Variants in NIPBL observed in about 807,000 individuals in gnomAD.
The protein encoded by NIPBL is NIPBL cohesin loading factor.
A neutral mutation model predicts 321.8 loss-of-function variants in NIPBL; 19 were observed. The ratio of observed to expected loss-of-function variants is 0.06; its 90% CI spans 0.04 to 0.09. The LOEUF (loss-of-function observed/expected upper bound fraction) is 0.09. Ranked by LOEUF, NIPBL falls within the 10% of genes least tolerant of loss-of-function variation. The pLI, the probability that NIPBL is intolerant of heterozygous loss-of-function variation, is 1.00. For missense variants in NIPBL, 2,210 were observed against 3,327.0 expected, an observed-to-expected ratio of 0.66 and a Z score of 8.26; for synonymous variants, 1,106 against 1,114.1, an observed-to-expected ratio of 0.99 and a Z score of 0.14.
At chr5:36,939,514 C>A (rs966230086) in intron 1 of NIPBL, among the ~76,000 whole-genome samples, 1 of 152,142 alleles carries the variant, frequency 6.6e-6, no homozygotes, top group African/African-American at 2.4e-5. Context: ...TGTAGTATGG[C>A]TCTACCATCG....
intron 1 of NIPBL, among the ~76,000 whole-genome samples, chr5:36,929,378 A>T (rs1212615798): frequency 6.6e-6 from 1 of 151,936 alleles, no homozygotes; most frequent in Non-Finnish European, 1.5e-5. Context: ...GAAGTGTCTT[A>T]AGTAAGTTCT....
At chr5:36,899,074 G>A (rs193124204) in intron 1 of NIPBL, among the ~76,000 whole-genome samples, 2 of 152,298 alleles carry the variant, frequency 1.3e-5, no homozygotes, top group Non-Finnish European at 2.9e-5. Flanking sequence ...TTGTAATGCT[G>A]CTGTATTTCC....
rs751701201 is a variant in NIPBL, at chr5:37,027,457, A to G, written c.5862+45A>G. ...CTGATAACCTAAAATTTAATAGGTT[A>G]GTTTTTTGTTGTTGGTGTTTTTTTT... On this transcript the variant is annotated intron_variant, in intron 32 of 46. Coordinates refer to ENST00000282516, the MANE Select transcript of NIPBL (RefSeq NM_133433.4). 2.1e-6 allele frequency: 3 copies of G among 1,420,648 alleles called. No individual in the cohort carries two copies. In the South Asian group the frequency reaches 3.6e-5, roughly 17 times the overall value. 88.0% of individuals were successfully genotyped at this position (1,420,648 alleles called of 1,614,324 possible).
At chr5:37,041,988 A>G (rs145910049) in intron 34 of NIPBL, among the ~76,000 whole-genome samples, 41 of 152,276 alleles carry the variant, frequency 2.7e-4, no homozygotes, top group African/African-American at 9.1e-4. Context: ...CAGGATTTCT[A>G]TGCTACTTAA....
intron 45 of NIPBL, among the ~76,000 whole-genome samples, chr5:37,062,313 A>C (rs1754803450): frequency 6.6e-6 from 1 of 152,218 alleles, no homozygotes; most frequent in Admixed American, 6.5e-5. Context: ...GTGTTTGGCT[A>C]TTCTGTTCCT....
At chr5:36,977,270 T>A (rs950669242) in intron 9 of NIPBL, among the ~76,000 whole-genome samples, 5 of 151,988 alleles carry the variant, frequency 3.3e-5, no homozygotes, top group Non-Finnish European at 5.9e-5. Flanking sequence ...ATATTTTAGG[T>A]TGATTTTCAG....
At chr5:36,935,189 G>A (rs141586728) in intron 1 of NIPBL, among the ~76,000 whole-genome samples, 15 of 152,172 alleles carry the variant, frequency 9.9e-5, no homozygotes, top group African/African-American at 3.4e-4. Flanking sequence ...AAGGCAGTGG[G>A]CTCTTAATGT....
rs760006591 is a variant in NIPBL, at chr5:37,052,491, C to T, written c.7188C>T (p.Tyr2396=). 6.2e-7 allele frequency: 1 copy of T among 1,614,004 alleles called. No individual in the cohort carries two copies. ...ESSSALCSHL[Y]SMIRGNRQHR... ...CTAGCGCTTTGTGTTCACACCTTTA[C>T]TCCATGATCCGTGGAAACCGCCAAC... The change falls in exon 42 of 47, where the codon TAC becomes TAT. Residue 2396 remains tyrosine, a synonymous_variant. Coordinates refer to ENST00000282516, the MANE Select transcript of NIPBL (RefSeq NM_133433.4).
intron 22 of NIPBL, among the ~76,000 whole-genome samples, chr5:37,015,543 A>G (rs1748855830): frequency 1.3e-5 from 2 of 151,910 alleles, no homozygotes; most frequent in Non-Finnish European, 2.9e-5. Context: ...CAGCCTGACC[A>G]GCGTGGTGAA....
chr5:36,934,943 C>CA (rs1373499487), intron 1 of NIPBL, among the ~76,000 whole-genome samples: 3 of 152,104 alleles, frequency 2.0e-5, no homozygotes, highest in Non-Finnish European at 4.4e-5. Flanking sequence ...TAGAAGGACT[C>CA]ACACTCACCA....
intron 10 of NIPBL, among the ~76,000 whole-genome samples, chr5:36,991,230 C>T (rs1163350693): frequency 6.6e-6 from 1 of 151,960 alleles, no homozygotes; most frequent in East Asian, 1.9e-4. Context: ...CCTGAATAAG[C>T]CTTAACCTTT....
chr5:37,054,156 A>G (rs1032523793), intron 42 of NIPBL, among the ~76,000 whole-genome samples: 29 of 151,184 alleles, frequency 1.9e-4, no homozygotes, highest in Non-Finnish European at 3.7e-4. Context: ...AGATCACGCC[A>G]CTGCATTCCA....
intron 29 of NIPBL, among the ~76,000 whole-genome samples, chr5:37,022,765 A>C (rs1264642109): frequency 6.6e-6 from 1 of 152,214 alleles, no homozygotes; most frequent in African/African-American, 2.4e-5. Flanking sequence ...TTTCAGTGAG[A>C]GACACGTACA....
At chr5:37,051,444 T>G (rs1753534845) in intron 40 of NIPBL, 1 of 251,528 alleles carries the variant, frequency 4.0e-6, no homozygotes, top group Non-Finnish European at 7.5e-6. Flanking sequence ...AGTCAAGCTT[T>G]AAAAACTACT....
intron 1 of NIPBL, among the ~76,000 whole-genome samples, chr5:36,915,288 A>T (rs1477866126): frequency 1.3e-5 from 2 of 152,166 alleles, no homozygotes; most frequent in Non-Finnish European, 2.9e-5. Flanking sequence ...AATATTAAAA[A>T]TTTTAATAGA....
intron 11 of NIPBL, among the ~76,000 whole-genome samples, chr5:36,999,602 A>G (rs1030082728): frequency 1.3e-5 from 2 of 152,324 alleles, no homozygotes; most frequent in African/African-American, 4.8e-5. Context: ...GTTAGATGAA[A>G]TCTGTTTGCC....
At chr5:36,901,590 A>G (rs983340926) in intron 1 of NIPBL, among the ~76,000 whole-genome samples, 19 of 138,590 alleles carry the variant, frequency 1.4e-4, no homozygotes, top group Admixed American at 4.7e-4. Flanking sequence ...GCTCACTGCA[A>G]CCTCTACCTC....
intron 1 of NIPBL, among the ~76,000 whole-genome samples, chr5:36,889,254 A>T (rs918327865): frequency 6.6e-6 from 1 of 152,112 alleles, no homozygotes; most frequent in Non-Finnish European, 1.5e-5. Flanking sequence ...CTGGACAATA[A>T]GGTTTGTTTA....
intron 10 of NIPBL, among the ~76,000 whole-genome samples, chr5:36,991,192 A>G (rs1249151636): frequency 1.3e-5 from 2 of 152,112 alleles, no homozygotes; most frequent in African/African-American, 4.8e-5. Flanking sequence ...ATTACAAATT[A>G]TAGTACAAAG....
Sources: gnomAD v4.1 joint callset for allele counts (sites outside exome capture counted in the v4.1 genomes callset) on GRCh38, gnomAD v4.1.1 for gene constraint, MANE v1.5 for transcripts, NCBI Gene and HGNC (gene_info 2026-07-23, HGNC 2026-07-21) for gene names.